The following ARAP1 variants were observed in gnomAD, a reference collection of about 807,000 sequenced individuals.
ARAP1 encodes ArfGAP with RhoGAP domain, ankyrin repeat and PH domain 1.
In ARAP1, 76 loss-of-function variants were observed where a neutral mutation model predicts 172.2. The ratio of observed to expected loss-of-function variants is 0.44; its 90% CI spans 0.37 to 0.53. The LOEUF (loss-of-function observed/expected upper bound fraction) is 0.53, where lower values mean the gene tolerates loss of function less well. Ranked by LOEUF, ARAP1 falls within the 20% of genes least tolerant of loss-of-function variation. The probability of loss-of-function intolerance (pLI) is 0.00; values close to 1 mark genes in which losing one functional copy is unlikely to be tolerated. For missense variants in ARAP1, 1,686 were observed against 1,977.5 expected (o/e 0.85, Z 2.80); for synonymous variants, 804 against 803.3 (o/e 1.00, Z -0.01).
chr11:72,715,366 G>GC (rs397808832), intron 3 of ARAP1, among the ~76,000 whole-genome samples: 1 of 151,840 alleles, frequency 6.6e-6, no homozygotes, highest in Admixed American at 6.6e-5. Flanking sequence ...AGGGTGGATG[G>GC]CTTATTTTTG....
rs1296132137 is a variant in ARAP1, at chr11:72,706,008, G to C, written c.1724-118C>G. On this transcript the variant is annotated intron_variant, in intron 12 of 34. Transcript: ENST00000393609. ...GAGAGGCCACAGGCAGGCCCCAGGG[G>C]GTAGGCCTGCTGGCAGCTCTGGAAT... 3.2e-6 allele frequency: 3 copies of C among 932,574 alleles called. No individual in the cohort carries two copies. The African/African-American group carries it at 5.0e-5, about 15-fold the overall frequency. The allele number at this position is 932,574 out of a possible 1,614,324, so 57.8% of individuals were successfully genotyped here.
chr11:72,699,398 T>C lies in ARAP1; in HGVS notation c.2438+19A>G, dbSNP rs1318526132. 6.2e-7 allele frequency: 1 copy of C among 1,613,828 alleles called. No individual in the cohort carries two copies. The highest frequency in any genetic ancestry group is 8.5e-7 in the Non-Finnish European group (1 of 1,179,978). ...GTACCTTATAGCAACCACAGTCTGA[T>C]TTGCCCAGGAGTACTCACCCATGGG... is the stretch of plus-strand genomic sequence containing the variant. On this transcript the variant is annotated intron_variant, in intron 17 of 34. Coordinates refer to ENST00000393609, the MANE Select transcript of ARAP1 (RefSeq NM_001040118.3). The surrounding 1 kb of genome is among the most constrained non-coding windows in gnomAD (Gnocchi z 4.2).
chr11:72,692,833 C>A (rs760622945), intron 29 of ARAP1, 48 bp from the exon 30 acceptor site: 5 of 1,609,590 alleles, frequency 3.1e-6, no homozygotes, highest in Middle Eastern at 1.7e-4. Context: ...AGGTCTAGAG[C>A]CAGGACAGCA....
chr11:72,690,007 G>A (rs1212501898), intron 30 of ARAP1, among the ~76,000 whole-genome samples: 1 of 152,208 alleles, frequency 6.6e-6, no homozygotes, highest in African/African-American at 2.4e-5. Flanking sequence ...CTGAGACAGA[G>A]GCTATAAAAG....
In ARAP1 at chr11:72,700,038, A is replaced by G. The variant is rs751962967; in HGVS notation, c.2303-486T>C. On this transcript the variant is annotated intron_variant, in intron 16 of 34. Coordinates refer to ENST00000393609, the MANE Select transcript of ARAP1 (RefSeq NM_001040118.3). The stretch of plus-strand genomic sequence containing the variant: ...CCAACCTCCTTTTCCAGAAGCATCT[A>G]TCACTCTGTACTCTGCCTCCTGCTA... 14 of 176,916 alleles carry G rather than the reference A, an allele frequency of 7.9e-5. No homozygotes were observed. In the Middle Eastern group the frequency reaches 4.0e-3, roughly 50 times the overall value. 11.0% of individuals were successfully genotyped at this position (176,916 alleles called of 1,614,324 possible). A position where few individuals can be genotyped will look rare whatever the true frequency, so the allele number is the denominator to read the frequency against.
At position 72,710,932 on chromosome 11, in the gene ARAP1, C is replaced by T; in HGVS notation, c.1213+89G>A. The T allele has an allele frequency of 1.9e-6, 3 of 1,585,812 alleles. No homozygotes were observed. Among genetic ancestry groups the T allele is most frequent in the Admixed American group, 3.4e-5 (2 of 58,686 alleles). Reference sequence around the variant, plus strand: ...CGGATGTGATGTGAGAGGGCAGATGCACCATGACTCTCTTCCCCCTCCTCT... The same window carrying T: ...CGGATGTGATGTGAGAGGGCAGATGTACCATGACTCTCTTCCCCCTCCTCT... On this transcript the variant is annotated intron_variant, in intron 9 of 34. Transcript: ENST00000393609. This position sits in a 1 kb window ranked among gnomAD's most constrained non-coding sequence, Gnocchi z 4.3.
At chr11:72,734,100 A>G (rs1857942968) in intron 1 of ARAP1, among the ~76,000 whole-genome samples, 1 of 152,044 alleles carries the variant, frequency 6.6e-6, no homozygotes, top group South Asian at 2.1e-4. Context: ...TGCTAGAAGT[A>G]CAGGTGTGAG....
intron 3 of ARAP1, among the ~76,000 whole-genome samples, chr11:72,714,893 T>A (rs1247113385): frequency 6.6e-6 from 1 of 151,974 alleles, no homozygotes; most frequent in Non-Finnish European, 1.5e-5. Flanking sequence ...ACCAGACCCA[T>A]CTCCCACACC....
intron 1 of ARAP1, among the ~76,000 whole-genome samples, chr11:72,750,687 T>C (rs1858507663): frequency 6.6e-6 from 1 of 152,160 alleles, no homozygotes; most frequent in South Asian, 2.1e-4. Flanking sequence ...GATGGGGAAA[T>C]GGAGGCTCTG....
intron 3 of ARAP1, among the ~76,000 whole-genome samples, chr11:72,723,609 G>A (rs143443227): frequency 1.3e-5 from 2 of 152,296 alleles, no homozygotes; most frequent in African/African-American, 4.8e-5. Context: ...CAGGGAGCTG[G>A]GGCGGTGAGC....
rs184650614 is a variant in ARAP1 at position 72,741,087 on chromosome 11, C to G, written c.-127-8490G>C. The stretch of plus-strand genomic sequence containing the variant: ...CCCCTCTGGCCCCACCACATACCCC[C>G]GACCCCTAATGGGTCTGGGGACCCC... On this transcript the variant is annotated intron_variant, in intron 1 of 34. Transcript: ENST00000393609. This position sits in a 1 kb window ranked among gnomAD's most constrained non-coding sequence, Gnocchi z 4.5. 4.2e-5 allele frequency among the ~76,000 whole-genome samples: 5 copies of G among 118,518 alleles called. No individual in the cohort carries two copies. The highest frequency in any genetic ancestry group is 5.1e-5 in the Non-Finnish European group (3 of 59,394). The allele number at this position is 118,518 out of a possible 152,430, so 77.8% of individuals were successfully genotyped here. A position where few individuals can be genotyped will look rare whatever the true frequency, so the allele number is the denominator to read the frequency against.
chr11:72,727,088 C>G lies in ARAP1; in HGVS notation c.41G>C (p.Trp14Ser), dbSNP rs1217712491. 1 of 1,597,184 alleles carries G rather than the reference C, an allele frequency of 6.3e-7. No homozygotes were observed. Among genetic ancestry groups the G allele is most frequent in the Admixed American group, 1.7e-5 (1 of 59,698 alleles). ...CTGCTCCAGGTGCAATGCCCGCAGC[C>G]ACTCGGCCACCGATAGCGCAGCATC... ...AGDAALSVAE[W>S]LRALHLEQYT... The change falls in exon 3 of 35, where the codon TGG becomes TCG. Residue 14 changes from tryptophan to serine, a missense_variant. By Grantham distance (177) the Trp-to-Ser change is radical. Around this residue, in one of 5 missense-constraint regions of ARAP1, gnomAD observed 190 missense variants for 228.6 expected, o/e 0.83. Coordinates refer to ENST00000393609, the MANE Select transcript of ARAP1 (RefSeq NM_001040118.3).
At chr11:72,698,242 G>GTTCCATCACTGGGCTTGGTT in intron 18 of ARAP1, 136 bp from the exon 19 acceptor site, 1 of 1,080,154 alleles carries the variant, frequency 9.3e-7, no homozygotes, top group Non-Finnish European at 1.3e-6. Flanking sequence ...GCAGAACCAA[G>GTTCCATCACTGGGCTTGGTT]CCCAGTGATG....
rs186315725 is a variant in ARAP1, at chr11:72,741,368, C to A, written c.-127-8771G>T. Among the ~76,000 whole-genome samples the A allele has an allele frequency of 2.7e-4, 41 of 152,296 alleles. No homozygotes were observed. Among genetic ancestry groups the A allele is most frequent in the African/African-American group, 9.6e-4 (40 of 41,558 alleles). On this transcript the variant is annotated intron_variant, in intron 1 of 34. Coordinates refer to ENST00000393609, the MANE Select transcript of ARAP1 (RefSeq NM_001040118.3). The surrounding 1 kb of genome is among the most constrained non-coding windows in gnomAD (Gnocchi z 4.5). ...TCCCCACTCTCCCAGTCCTCACCCT[C>A]GGCCTAGCTCAGGCCCTTCCCACTT... is the stretch of plus-strand genomic sequence containing the variant.
intron 5 of ARAP1, chr11:72,712,773 C>G: frequency 1.3e-6 from 1 of 764,958 alleles, no homozygotes; most frequent in South Asian, 1.7e-5. Context: ...GTGGCAGAAA[C>G]CGACCTAGGA....
rs58109830 is a variant in ARAP1, at chr11:72,711,694, C to CTTTT, written c.1023-199_1023-196dup. 1.8e-3 allele frequency among the ~76,000 whole-genome samples: 217 copies of CTTTT among 118,836 alleles called. 5 individuals are homozygous for CTTTT. Among genetic ancestry groups the CTTTT allele is most frequent in the Middle Eastern group, 4.9e-3 (1 of 204 alleles). The allele number at this position is 118,836 out of a possible 152,430, so 78.0% of individuals were successfully genotyped here. A position where few individuals can be genotyped will look rare whatever the true frequency, so the allele number is the denominator to read the frequency against. Reference sequence around the variant, plus strand: ...AAGTCAGACTCAAAGTAGCACATCTCTTTTTTTTTTTTTTTTTTTGAGACA... The same window carrying CTTTT: ...AAGTCAGACTCAAAGTAGCACATCTCTTTTTTTTTTTTTTTTTTTTTTTGAGACA... On this transcript the variant is annotated intron_variant, in intron 7 of 34. Transcript: ENST00000393609.
At chr11:72,720,345 C>G (rs776265766) in intron 3 of ARAP1, among the ~76,000 whole-genome samples, 2 of 152,152 alleles carry the variant, frequency 1.3e-5, no homozygotes, top group African/African-American at 2.4e-5. Context: ...ATCATGAGAC[C>G]CAAAGGTCAT....
chr11:72,693,561 A>C lies in ARAP1; in HGVS notation c.3809-91T>G. ...GAAGGAAGCTGCCCCATCCTGCCCC[A>C]GCCTCTCCATAGAGGCCCACCCACT... On this transcript the variant is annotated intron_variant, in intron 28 of 34. Transcript: ENST00000393609. The surrounding 1 kb of genome is among the most constrained non-coding windows in gnomAD (Gnocchi z 4.6). The C allele has an allele frequency of 6.4e-7, 1 of 1,553,516 alleles. No homozygotes were observed. The highest frequency in any genetic ancestry group is 8.7e-7 in the Non-Finnish European group (1 of 1,146,998).
Position 72,693,951 on chromosome 11 carries a change from A to C in ARAP1, c.3695-146T>G. The C allele has an allele frequency of 1.6e-6, 1 of 631,656 alleles. No individual in the cohort carries two copies. Among genetic ancestry groups the C allele is most frequent in the Admixed American group, 3.0e-5 (1 of 32,864 alleles). 39.1% of individuals were successfully genotyped at this position (631,656 alleles called of 1,614,324 possible). A position where few individuals can be genotyped will look rare whatever the true frequency, so the allele number is the denominator to read the frequency against. On this transcript the variant is annotated intron_variant, in intron 27 of 34. Transcript: ENST00000393609. This position sits in a 1 kb window ranked among gnomAD's most constrained non-coding sequence, Gnocchi z 4.6. Reference sequence around the variant, plus strand: ...GACACAAAACACCACCATCATGACCACCCTTCCCATGACCAAGCTTCAGGC... The same window carrying C: ...GACACAAAACACCACCATCATGACCCCCCTTCCCATGACCAAGCTTCAGGC...
Sources: allele counts gnomAD v4.1 joint callset (sites outside exome capture counted in the v4.1 genomes callset), GRCh38; gene constraint gnomAD v4.1.1; regional missense constraint gnomAD v4.1.1; non-coding constraint Gnocchi (gnomAD v3.1); transcripts MANE v1.5; gene names NCBI Gene and HGNC (gene_info 2026-07-23, HGNC 2026-07-21).